AFF1: variants seen among roughly 807,000 people sequenced by gnomAD.
The protein encoded by AFF1 is AF4/FMR2 family member 1.
Under a neutral mutation model 121.7 loss-of-function variants are expected in AFF1, and 48 were observed. That is an observed-to-expected ratio of 0.39 (90% confidence interval 0.31 to 0.50). The LOEUF (loss-of-function observed/expected upper bound fraction) is 0.50, where lower values mean the gene tolerates loss of function less well. Ranked by LOEUF, AFF1 falls within the 20% of genes least tolerant of loss-of-function variation. The probability of loss-of-function intolerance (pLI) is 0.76; values close to 1 mark genes in which losing one functional copy is unlikely to be tolerated. For missense variants in AFF1, 1,523 were observed against 1,511.7 expected (o/e 1.01, Z -0.12); for synonymous variants, 613 against 563.0 (o/e 1.09, Z -1.26).
chr4:87,106,812 T>A (rs1276069679), intron 10 of AFF1, among the ~76,000 whole-genome samples: 1 of 152,236 alleles, frequency 6.6e-6, no homozygotes, highest in African/African-American at 2.4e-5. Flanking sequence ...AATAAAATCT[T>A]GTCCATTATG....
At position 87,139,682 on chromosome 4, in the gene AFF1, G is replaced by T. The variant is rs562337617; in HGVS notation, c.*3981G>T. On this transcript the variant is annotated 3_prime_UTR_variant, in exon 21 of 21. Transcript: ENST00000395146. ...TTTTGGGTCCCACTTAGGATTAATG[G>T]ATGTAAGGTATTTTCCTGTGCCTTT... 4.4e-6 allele frequency: 1 copy of T among 228,962 alleles called. No individual in the cohort carries two copies. Among genetic ancestry groups the T allele is most frequent in the Non-Finnish European group, 8.7e-6 (1 of 115,348 alleles). The allele number at this position is 228,962 out of a possible 1,614,324, so 14.2% of individuals were successfully genotyped here.
intron 16 of AFF1, 64 bp from the exon 17 acceptor site, chr4:87,131,019 G>C (rs184602074): frequency 6.3e-7 from 1 of 1,583,896 alleles, no homozygotes; most frequent in African/African-American, 1.3e-5. Context: ...ACTAAAGAAT[G>C]TGGGTGAGAA....
At chr4:87,043,581 C>A (rs762664563) in intron 2 of AFF1, among the ~76,000 whole-genome samples, 1 of 152,192 alleles carries the variant, frequency 6.6e-6, no homozygotes, top group Non-Finnish European at 1.5e-5. Flanking sequence ...TCATCAAGTC[C>A]AGTGTGCTAC....
chr4:87,110,429 CTTG>C (rs1375918865), intron 11 of AFF1, among the ~76,000 whole-genome samples: 1 of 144,018 alleles, frequency 6.9e-6, no homozygotes, highest in Non-Finnish European at 1.5e-5. Context: ...AATACTAGAT[CTTG>C]TTCTGGTTTT....
intron 2 of AFF1, among the ~76,000 whole-genome samples, chr4:87,033,807 A>T (rs1048635442): frequency 2.0e-5 from 3 of 151,858 alleles, no homozygotes; most frequent in Non-Finnish European, 2.9e-5. Context: ...GTTTTTTTTT[A>T]AATGTTATTA....
intron 2 of AFF1, among the ~76,000 whole-genome samples, chr4:87,010,110 A>G (rs1179730917): frequency 6.6e-6 from 1 of 152,218 alleles, no homozygotes; most frequent in Non-Finnish European, 1.5e-5. Flanking sequence ...TACATAAGCT[A>G]GAAGTACTTT....
chr4:87,013,240 A>G (rs1271341609), intron 2 of AFF1, among the ~76,000 whole-genome samples: 1 of 151,244 alleles, frequency 6.6e-6, no homozygotes, highest in African/African-American at 2.4e-5. Context: ...GGGTTTCTCC[A>G]TGTTGGTCAG....
rs568175343 is a variant in AFF1, at chr4:87,120,574, T to C, written c.2467-4463T>C. The stretch of plus-strand genomic sequence containing the variant: ...TTTCCTCTTTTTCACATGTGTTTTC[T>C]CCGTACAAGTGTCTGTTGGGAGGAT... On this transcript the variant is annotated intron_variant, in intron 12 of 20. Transcript: ENST00000395146. Among the ~76,000 whole-genome samples the C allele has an allele frequency of 2.6e-5, 4 of 152,332 alleles. No homozygotes were observed. In the East Asian group the frequency reaches 7.7e-4, roughly 29 times the overall value.
chr4:87,044,699 A>G (rs1028160708), intron 2 of AFF1, among the ~76,000 whole-genome samples: 3 of 152,174 alleles, frequency 2.0e-5, no homozygotes, highest in African/African-American at 7.2e-5. Context: ...TAAGAGAGTC[A>G]TACTTCCTAG....
intron 8 of AFF1, 77 bp from the exon 9 acceptor site, chr4:87,105,551 A>G (rs1375112145): frequency 2.0e-6 from 3 of 1,520,102 alleles, no homozygotes; most frequent in East Asian, 4.5e-5. Flanking sequence ...AATTAGGCAT[A>G]TTTTCTATTT....
Position 87,127,092 on chromosome 4 carries a change from G to C in AFF1, c.2878G>C (p.Gly960Arg), listed in dbSNP as rs373411991. 5 of 1,613,240 alleles carry C rather than the reference G, an allele frequency of 3.1e-6. No homozygotes were observed. The African/African-American group carries it at 4.0e-5, about 13-fold the overall frequency. Residue 960 changes from glycine (G) to arginine (R), a missense_variant, in exon 15 of 21, where the codon GGG (glycine) becomes CGG (arginine). Gly to Arg is a moderately radical substitution (Grantham distance 125). This residue lies in a region of AFF1 where 905 missense variants were observed against 842.5 expected (regional missense o/e 1.07). Coordinates refer to ENST00000395146, the MANE Select transcript of AFF1 (RefSeq NM_001166693.3). ...TTTGCCAAATGGTAACTCTAAACCAGGGAAGCCTCAAGTGAAGTTTGACAA... is the reference window on the plus strand; with the variant it reads ...TTTGCCAAATGGTAACTCTAAACCACGGAAGCCTCAAGTGAAGTTTGACAA... ...PSLPNGNSKP[G>R]KPQVKFDKQQ...
At chr4:87,007,440 G>T (rs776327793) in intron 2 of AFF1, 4 of 1,614,062 alleles carry the variant, frequency 2.5e-6, no homozygotes, top group Non-Finnish European at 3.4e-6. Flanking sequence ...CCGTGCACCG[G>T]AGAAACTTTT....
chr4:87,093,642 G>A (rs115393943), intron 7 of AFF1, among the ~76,000 whole-genome samples: 2 of 152,150 alleles, frequency 1.3e-5, no homozygotes, highest in Non-Finnish European at 2.9e-5. Context: ...AAGAGGAGGG[G>A]CCTCTGCCCC....
chr4:87,105,265 T>C (rs1230092851), intron 8 of AFF1, among the ~76,000 whole-genome samples: 1 of 152,232 alleles, frequency 6.6e-6, no homozygotes, highest in African/African-American at 2.4e-5. Context: ...TTTGTTTGCA[T>C]GGACCCTGAC....
At chr4:87,000,797 C>T (rs1318434048) in intron 2 of AFF1, among the ~76,000 whole-genome samples, 1 of 151,850 alleles carries the variant, frequency 6.6e-6, no homozygotes, top group African/African-American at 2.4e-5. Flanking sequence ...AACTGTAGAC[C>T]AGATCAGGTA....
At position 86,984,095 on chromosome 4, in the gene AFF1, T is replaced by C. The variant is rs144833772; in HGVS notation, c.38+35524T>C. Among the ~76,000 whole-genome samples the C allele has an allele frequency of 8.8e-3, 1,338 of 152,308 alleles. 14 individuals carry two copies. The highest frequency in any genetic ancestry group is 0.041 in the Middle Eastern group (12 of 294). On this transcript the variant is annotated intron_variant, in intron 2 of 20. Coordinates refer to ENST00000395146, the MANE Select transcript of AFF1 (RefSeq NM_001166693.3). Reference sequence around the variant, plus strand: ...CCAATGTATCTAGTGTTTTAAATCATAGCCTACTAAATATTACTTTTTTCA... The same window carrying C: ...CCAATGTATCTAGTGTTTTAAATCACAGCCTACTAAATATTACTTTTTTCA...
chr4:86,980,224 C>T (rs1348109114), intron 2 of AFF1, among the ~76,000 whole-genome samples: 2 of 152,120 alleles, frequency 1.3e-5, no homozygotes, highest in Non-Finnish European at 2.9e-5. Context: ...AGGAATCTAA[C>T]TCTAAGATAC....
chr4:86,983,994 G>A (rs921558301), intron 2 of AFF1, among the ~76,000 whole-genome samples: 1 of 151,826 alleles, frequency 6.6e-6, no homozygotes, highest in Non-Finnish European at 1.5e-5. Flanking sequence ...CTGAGATGGC[G>A]CCACTGCACT....
At chr4:87,085,814 C>T (rs1338560235) in intron 5 of AFF1, among the ~76,000 whole-genome samples, 1 of 151,308 alleles carries the variant, frequency 6.6e-6, no homozygotes, top group Non-Finnish European at 1.5e-5. Flanking sequence ...ACCTTGGCCA[C>T]TGCAATCTCC....
Sources: allele counts gnomAD v4.1 joint callset (sites outside exome capture counted in the v4.1 genomes callset), GRCh38; gene constraint gnomAD v4.1.1; regional missense constraint gnomAD v4.1.1; transcripts MANE v1.5; gene names NCBI Gene and HGNC (gene_info 2026-07-23, HGNC 2026-07-21).